Variants in CNTN4 observed in about 807,000 individuals in gnomAD.
The protein encoded by CNTN4 is contactin 4.
CNTN4 carries 77 observed loss-of-function variants against 122.5 expected under a neutral mutation model. That is an observed-to-expected ratio of 0.63 (90% CI 0.52 to 0.76). The LOEUF (loss-of-function observed/expected upper bound fraction) is 0.76. Among genes scored for constraint, CNTN4 ranks in the 30% least tolerant of loss-of-function variants. The pLI, the probability that CNTN4 is intolerant of heterozygous loss-of-function variation, is 0.00. For missense variants in CNTN4, 1,256 were observed against 1,259.1 expected, an observed-to-expected ratio of 1.00 and a Z score of 0.04; for synonymous variants, 512 against 447.0, an observed-to-expected ratio of 1.15 and a Z score of -1.83.
chr3:2,389,100 G>A (rs965942747), intron 3 of CNTN4, among the ~76,000 whole-genome samples: 3 of 152,002 alleles, frequency 2.0e-5, no homozygotes, highest in Non-Finnish European at 1.5e-5. Context: ...GGGGGAGGTT[G>A]CAGTGAGCTG....
At chr3:2,137,565 T>G (rs953390468) in intron 2 of CNTN4, among the ~76,000 whole-genome samples, 2 of 152,142 alleles carry the variant, frequency 1.3e-5, no homozygotes, top group African/African-American at 2.4e-5. Flanking sequence ...CTTGCTTAAG[T>G]TATATTTGTG....
At chr3:2,685,492 G>T (rs1298564585) in intron 4 of CNTN4, among the ~76,000 whole-genome samples, 1 of 152,092 alleles carries the variant, frequency 6.6e-6, no homozygotes, top group Non-Finnish European at 1.5e-5. Context: ...AGAGCATTTG[G>T]TCTTGTACTA....
At chr3:2,454,991 A>G (rs1575667779) in intron 3 of CNTN4, among the ~76,000 whole-genome samples, 1 of 152,290 alleles carries the variant, frequency 6.6e-6, no homozygotes, top group South Asian at 2.1e-4. Flanking sequence ...AACTAAAAGG[A>G]GCAGCCAAAT....
chr3:3,005,586 GA>G (rs56742275), intron 14 of CNTN4, among the ~76,000 whole-genome samples: 5,949 of 152,304 alleles, frequency 0.039, 352 homozygotes, highest in African/African-American at 0.13. Context: ...CCGTGGTCTA[GA>G]GAGTTCAAGA....
intron 2 of CNTN4, among the ~76,000 whole-genome samples, chr3:2,203,276 T>G (rs2038184874): frequency 6.6e-6 from 1 of 152,176 alleles, no homozygotes; most frequent in Non-Finnish European, 1.5e-5. Flanking sequence ...TTTGGCTCTT[T>G]TAGAGAGAAT....
At chr3:2,819,165 A>C (rs2092807762) in intron 6 of CNTN4, among the ~76,000 whole-genome samples, 1 of 152,192 alleles carries the variant, frequency 6.6e-6, no homozygotes, top group African/African-American at 2.4e-5. Context: ...CCAAGGTGAT[A>C]ATCACTAAGT....
At chr3:2,503,730 A>G (rs192376124) in intron 3 of CNTN4, among the ~76,000 whole-genome samples, 2 of 152,258 alleles carry the variant, frequency 1.3e-5, no homozygotes, top group East Asian at 3.9e-4. Flanking sequence ...AGGAAGCATT[A>G]CAGGCAAAGG....
chr3:3,012,605 A>C (rs1697344159), intron 14 of CNTN4, among the ~76,000 whole-genome samples: 1 of 151,880 alleles, frequency 6.6e-6, no homozygotes, highest in Non-Finnish European at 1.5e-5. Flanking sequence ...GCACACCACC[A>C]CACCCAGCTA....
intron 4 of CNTN4, among the ~76,000 whole-genome samples, chr3:2,651,883 T>G (rs1226653788): frequency 6.6e-6 from 1 of 151,894 alleles, no homozygotes; most frequent in Non-Finnish European, 1.5e-5. Flanking sequence ...TTTGCATTTT[T>G]TTTAGTAAAG....
At chr3:2,325,908 TTATCC>T (rs1372647628) in intron 2 of CNTN4, among the ~76,000 whole-genome samples, 12 of 152,176 alleles carry the variant, frequency 7.9e-5, no homozygotes, top group African/African-American at 2.7e-4. Flanking sequence ...AAAGTGATAC[TTATCC>T]TATAATATTT....
intron 6 of CNTN4, among the ~76,000 whole-genome samples, chr3:2,797,936 T>TTTTTTG (rs1464455681): frequency 6.7e-6 from 1 of 150,216 alleles, no homozygotes; most frequent in Non-Finnish European, 1.5e-5. Context: ...TTTTTTTTTT[T>TTTTTTG]GGTATAAATT....
intron 3 of CNTN4, among the ~76,000 whole-genome samples, chr3:2,438,230 T>C (rs1316653776): frequency 6.6e-6 from 1 of 152,136 alleles, no homozygotes; most frequent in Admixed American, 6.5e-5. Context: ...TTTAAAACTG[T>C]GTTATTTGGC....
At chr3:2,997,046 G>T (rs1343490087) in intron 14 of CNTN4, among the ~76,000 whole-genome samples, 1 of 152,164 alleles carries the variant, frequency 6.6e-6, no homozygotes, top group Non-Finnish European at 1.5e-5. Context: ...CTGAAGGAAA[G>T]AAATGGTTTA....
chr3:2,404,051 T>C (rs1303775552), intron 3 of CNTN4, among the ~76,000 whole-genome samples: 1 of 152,200 alleles, frequency 6.6e-6, no homozygotes, highest in Non-Finnish European at 1.5e-5. Flanking sequence ...GTGGTTATTG[T>C]GCATGAGGCT....
At chr3:2,281,504 T>C (rs1376767893) in intron 2 of CNTN4, among the ~76,000 whole-genome samples, 1 of 152,100 alleles carries the variant, frequency 6.6e-6, no homozygotes, top group Non-Finnish European at 1.5e-5. Context: ...GTTGTGGTCT[T>C]ACACTGCTCC....
intron 4 of CNTN4, among the ~76,000 whole-genome samples, chr3:2,699,849 A>G (rs546688815): frequency 6.6e-6 from 1 of 152,158 alleles, no homozygotes; most frequent in Non-Finnish European, 1.5e-5. Flanking sequence ...TGTGTTGATT[A>G]TTGGCATTTT....
intron 2 of CNTN4, among the ~76,000 whole-genome samples, chr3:2,322,511 G>A (rs547717482): frequency 6.6e-6 from 1 of 152,158 alleles, no homozygotes; most frequent in South Asian, 2.1e-4. Flanking sequence ...AAGACAGAAG[G>A]CATAATAGTG....
intron 3 of CNTN4, among the ~76,000 whole-genome samples, chr3:2,562,887 C>T (rs1444015285): frequency 6.6e-6 from 1 of 151,866 alleles, no homozygotes; most frequent in African/African-American, 2.4e-5. Flanking sequence ...CCACGGCTGG[C>T]TAACTTTTAA....
chr3:2,106,178 G>C (rs767312632), intron 2 of CNTN4, among the ~76,000 whole-genome samples: 12 of 152,218 alleles, frequency 7.9e-5, no homozygotes, highest in Non-Finnish European at 1.6e-4. Context: ...GGCTGGAGTT[G>C]AGTGTCTGCT....
Sources: allele counts gnomAD v4.1 joint callset (sites outside exome capture counted in the v4.1 genomes callset), GRCh38; gene constraint gnomAD v4.1.1; transcripts MANE v1.5; gene names NCBI Gene and HGNC (gene_info 2026-07-23, HGNC 2026-07-21).